The following ABCA8 variants were observed in gnomAD, a reference collection of about 807,000 sequenced individuals.
ABCA8 encodes ATP binding cassette subfamily A member 8, also known as ABC-type organic anion transporter ABCA8.
Under a neutral mutation model 192.3 loss-of-function variants are expected in ABCA8, and 177 were observed. The ratio of observed to expected loss-of-function variants is 0.92; its 90% CI spans 0.81 to 1.04. The LOEUF (loss-of-function observed/expected upper bound fraction) is 1.04. ABCA8 is among the 50% of genes least tolerant of loss of function. ABCA8 has a pLI of 0.00. For synonymous variants in ABCA8, 642 were observed against 690.2 expected, an observed-to-expected ratio of 0.93 and a Z score of 1.09; for missense variants, 1,915 against 1,904.8, an observed-to-expected ratio of 1.01 and a Z score of -0.10.
intron 21 of ABCA8, among the ~76,000 whole-genome samples, chr17:68,897,742 A>G (rs1204170640): frequency 6.6e-6 from 1 of 152,204 alleles, no homozygotes; most frequent in Non-Finnish European, 1.5e-5. Context: ...GGAGCTCAAC[A>G]GTAGATTTGA....
In ABCA8 at chr17:68,896,265, G is replaced by C. The variant is rs1391208657; in HGVS notation, c.2765-1252C>G. 2.0e-5 allele frequency among the ~76,000 whole-genome samples: 3 copies of C among 152,170 alleles called. No homozygotes were observed. The East Asian group carries it at 5.8e-4, about 29-fold the overall frequency. On this transcript the variant is annotated intron_variant, in intron 21 of 39. Transcript: ENST00000586539. The stretch of plus-strand genomic sequence containing the variant: ...CCATACACCAGCTAAAAGTTTACTA[G>C]AGAGAGCAGCAAAACAGAGAGTTAA...
intron 2 of ABCA8, among the ~76,000 whole-genome samples, chr17:68,947,056 A>G (rs1314185698): frequency 1.3e-5 from 2 of 152,232 alleles, no homozygotes; most frequent in African/African-American, 4.8e-5. Context: ...TTCAATTTAT[A>G]TTAGCTACTT....
chr17:68,936,893 C>A, intron 5 of ABCA8, 58 bp downstream of exon 5: 1 of 1,430,754 alleles, frequency 7.0e-7, no homozygotes, highest in East Asian at 2.4e-5. Flanking sequence ...TATTCCCACA[C>A]ATGACTTATG....
At position 68,868,118 on chromosome 17, in the gene ABCA8, C is replaced by T. The variant is rs144771778; in HGVS notation, c.4833G>A (p.Val1611=). The T allele has an allele frequency of 3.9e-4, 627 of 1,613,256 alleles. 2 individuals are homozygous for T. In the African/African-American group the frequency reaches 7.0e-3, roughly 18 times the overall value. Residue 1611 remains valine (V), a synonymous_variant, in exon 40 of 40, where the codon GTG becomes GTA. Transcript: ENST00000586539. The stretch of plus-strand genomic sequence containing the variant: ...CTTCCTGGGGGAGGAGCTTCCACTT[C>T]ACTGAGGGATCAAAATCCTCCTCAA... ...GDFEEDFDPS[V]KWKLLPQEEP is the part of the protein sequence containing the mutation.
chr17:68,923,908 T>C (rs1208221619), intron 11 of ABCA8, among the ~76,000 whole-genome samples: 2 of 152,134 alleles, frequency 1.3e-5, no homozygotes, highest in Non-Finnish European at 2.9e-5. Flanking sequence ...AAAATGGACA[T>C]TTTGTTGTCA....
Position 68,922,234 on chromosome 17 carries a change from T to TTAAA in ABCA8, c.1501+7_1501+8insTTTA. 4.4e-6 allele frequency: 2 copies of TTAAA among 458,404 alleles called. No homozygotes were observed. The highest frequency in any genetic ancestry group is 6.3e-6 in the Non-Finnish European group (2 of 317,564). The allele number at this position is 458,404 out of a possible 1,614,324, so 28.4% of individuals were successfully genotyped here. On this transcript the variant is annotated splice_region_variant and intron_variant, in intron 12 of 39. Transcript: ENST00000586539. ...TTTTTTTTTTTTTTTTTTTTTTTTT[T>TTAAA]TTTTTACCTTTCAAGGCTTCTATTT...
intron 30 of ABCA8, 40 bp from the exon 31 acceptor site, chr17:68,882,020 T>A: frequency 3.2e-6 from 5 of 1,542,414 alleles, no homozygotes; most frequent in Non-Finnish European, 3.6e-6. Context: ...ACCTTAATTC[T>A]CTCCATTAGC....
intron 17 of ABCA8, among the ~76,000 whole-genome samples, chr17:68,908,867 T>A (rs2067162377): frequency 6.6e-6 from 1 of 152,206 alleles, no homozygotes; most frequent in South Asian, 2.1e-4. Context: ...ATTCCCAGCC[T>A]CTAGGGTTAT....
chr17:68,907,167 T>G (rs531182375), intron 18 of ABCA8, among the ~76,000 whole-genome samples: 4 of 152,168 alleles, frequency 2.6e-5, no homozygotes, highest in Non-Finnish European at 5.9e-5. Context: ...ACTTTCCTGA[T>G]GATTCTAAGG....
Position 68,887,047 on chromosome 17 carries a change from A to C in ABCA8, c.3399T>G (p.Asn1133Lys). 1 of 1,612,004 alleles carries C rather than the reference A, an allele frequency of 6.2e-7. No individual in the cohort carries two copies. Among genetic ancestry groups the C allele is most frequent in the Non-Finnish European group, 8.5e-7 (1 of 1,178,540 alleles). Reference sequence around the variant, plus strand: ...AGAAACAAAATGACCAAATGCCACTATTTTTTCTCCCCTTGCGAAAGATGA... The same window carrying C: ...AGAAACAAAATGACCAAATGCCACTCTTTTTTCTCCCCTTGCGAAAGATGA... ...ISFIFRKGRK[N>K]SGIWSFCFYV... is the part of the protein sequence containing the mutation. Residue 1133 changes from asparagine to lysine, a missense_variant, in exon 26 of 40, where the codon AAT (asparagine) becomes AAG (lysine). Coordinates refer to ENST00000586539, the MANE Select transcript of ABCA8 (RefSeq NM_001288985.2).
chr17:68,922,367 C>T, intron 11 of ABCA8, 67 bp from the exon 12 acceptor site: 1 of 1,089,996 alleles, frequency 9.2e-7, no homozygotes, highest in South Asian at 1.5e-5. Context: ...GTTTGGTAGA[C>T]AGGATTGGAT....
chr17:68,897,515 G>T (rs2066796909), intron 21 of ABCA8, among the ~76,000 whole-genome samples: 1 of 152,172 alleles, frequency 6.6e-6, no homozygotes, highest in Non-Finnish European at 1.5e-5. Context: ...CCTTTGGAAG[G>T]CTGAGATAGC....
intron 28 of ABCA8, 68 bp from the exon 29 acceptor site, chr17:68,883,950 A>G: frequency 1.0e-6 from 1 of 959,112 alleles, no homozygotes. Context: ...AAGATATACT[A>G]ATAATAACCG....
chr17:68,875,458 G>T, intron 36 of ABCA8, 58 bp from the exon 37 acceptor site: 1 of 1,606,718 alleles, frequency 6.2e-7, no homozygotes, highest in Non-Finnish European at 8.5e-7. Context: ...TATGTTGTTT[G>T]AGAAACTTGA....
At chr17:68,909,883 G>T (rs144638038) in intron 17 of ABCA8, among the ~76,000 whole-genome samples, 1 of 151,988 alleles carries the variant, frequency 6.6e-6, no homozygotes, top group African/African-American at 2.4e-5. Flanking sequence ...TTACAAAAAC[G>T]ACCAATCATG....
At chr17:68,930,356 T>C (rs2067829194) in intron 7 of ABCA8, among the ~76,000 whole-genome samples, 1 of 152,264 alleles carries the variant, frequency 6.6e-6, no homozygotes, top group Non-Finnish European at 1.5e-5. Flanking sequence ...AAAGTCTACA[T>C]ACTTGCCTTT....
At chr17:68,882,994 A>G (rs923432966) in intron 29 of ABCA8, among the ~76,000 whole-genome samples, 3 of 152,200 alleles carry the variant, frequency 2.0e-5, no homozygotes, top group Non-Finnish European at 2.9e-5. Context: ...TGACACCACC[A>G]TGTTGACATC....
chr17:68,876,830 G>T, intron 33 of ABCA8, 127 bp from the exon 34 acceptor site: 1 of 1,058,910 alleles, frequency 9.4e-7, no homozygotes, highest in Non-Finnish European at 1.4e-6. Context: ...TCGGGGGGCA[G>T]GGAAGGAGGG....
At position 68,869,721 on chromosome 17, in the gene ABCA8, C is replaced by A. The variant is rs763840822; in HGVS notation, c.4690G>T (p.Ala1564Ser). The A allele has an allele frequency of 8.7e-6, 14 of 1,612,490 alleles. No homozygotes were observed. In the South Asian group the frequency reaches 1.4e-4, roughly 16 times the overall value. The change falls in exon 38 of 40, where the codon GCT (alanine) becomes TCT (serine). Residue 1564 changes from alanine (A) to serine (S), a missense_variant. By Grantham distance (99) the Ala-to-Ser change is moderately conservative (BLOSUM62 1). Transcript: ENST00000586539. ...TTACCCTTCTCTAATTTGAAGAAAG[C>A]TTGGGCTAAAGGTTGCACATCTTCC... ...PVEDVQPLAQ[A>S]FFKLEKVKQS...
Sources: allele counts gnomAD v4.1 joint callset (sites outside exome capture counted in the v4.1 genomes callset), GRCh38; gene constraint gnomAD v4.1.1; transcripts MANE v1.5; gene names NCBI Gene and HGNC (gene_info 2026-07-23, HGNC 2026-07-21).